SCUBE2: variants seen among roughly 807,000 people sequenced by gnomAD.
SCUBE2 encodes the protein signal peptide, CUB domain and EGF like domain containing 2, also known as signal peptide, CUB and EGF-like domain-containing protein 2.
SCUBE2 carries 114 observed loss-of-function variants against 125.9 expected under a neutral mutation model. That is an observed-to-expected ratio of 0.91 (90% CI 0.78 to 1.06). The LOEUF (loss-of-function observed/expected upper bound fraction) is 1.06. Among genes scored for constraint, SCUBE2 ranks in the 50% least tolerant of loss-of-function variants. The pLI is 0.00. For synonymous variants in SCUBE2, 459 were observed against 492.9 expected (o/e 0.93, Z 0.91); for missense variants, 1,255 against 1,301.8 (o/e 0.96, Z 0.55).
At chr11:9,042,533 G>A (rs771882782) in intron 16 of SCUBE2, among the ~76,000 whole-genome samples, 5 of 152,046 alleles carry the variant, frequency 3.3e-5, no homozygotes, top group Admixed American at 2.0e-4. Context: ...TCAATATTCA[G>A]GCTTTAGCCT....
chr11:9,030,176 G>A (rs1434612002), intron 18 of SCUBE2, 131 bp from the exon 19 acceptor site: 7 of 1,016,682 alleles, frequency 6.9e-6, no homozygotes, highest in African/African-American at 1.6e-5. Context: ...CTACCAATCT[G>A]GGGCTAATCA....
intron 21 of SCUBE2, 37 bp from the exon 22 acceptor site, chr11:9,021,992 T>C (rs760519067): frequency 3.2e-5 from 47 of 1,482,486 alleles, no homozygotes; most frequent in Non-Finnish European, 3.9e-5. Context: ...ATTCTTATGA[T>C]TTAGTTGCTT....
intron 3 of SCUBE2, among the ~76,000 whole-genome samples, chr11:9,077,023 G>A (rs949222234): frequency 6.6e-6 from 1 of 152,080 alleles, no homozygotes; most frequent in African/African-American, 2.4e-5. Flanking sequence ...CCCACCCCAC[G>A]TTTAACCCCC....
At position 9,050,654 on chromosome 11, in the gene SCUBE2, A is replaced by C. The variant is rs757014093; in HGVS notation, c.1591T>G (p.Leu531Val). ...TFKLNEGKCS[L>V]KNAELFPEGL... Reference sequence around the variant, plus strand: ...TCGGGAAACAGCTCAGCATTTTTCAAACTACACTTGCCTTCATTTAGCTTA... The same window carrying C: ...TCGGGAAACAGCTCAGCATTTTTCACACTACACTTGCCTTCATTTAGCTTA... The change falls in exon 14 of 23, where the codon TTG becomes GTG. Residue 531 changes from leucine to valine, a missense_variant. By Grantham distance (32) the Leu-to-Val change is conservative. Transcript: ENST00000649792. The C allele has an allele frequency of 2.5e-6, 4 of 1,614,238 alleles. No individual in the cohort carries two copies. In the East Asian group the frequency reaches 8.9e-5, roughly 36 times the overall value.
At chr11:9,036,277 A>T (rs777449145) in intron 16 of SCUBE2, among the ~76,000 whole-genome samples, 17 of 152,228 alleles carry the variant, frequency 1.1e-4, no homozygotes, top group Non-Finnish European at 2.2e-4. Flanking sequence ...TGGCAAATAG[A>T]GTATAATTCC....
chr11:9,060,407 C>T lies in SCUBE2; in HGVS notation c.967+1G>A. ...AGTCTCCCTGGGGAGGTGAAGGCTACCTTTACATGTCTTCCCATCCAACTG... is the reference window on the plus strand; with the variant it reads ...AGTCTCCCTGGGGAGGTGAAGGCTATCTTTACATGTCTTCCCATCCAACTG... On this transcript the variant is annotated splice_donor_variant, in intron 8 of 22. Coordinates refer to ENST00000649792, the MANE Select transcript of SCUBE2 (RefSeq NM_001367977.2). LOFTEE classifies it high-confidence loss of function. The T allele has an allele frequency of 6.2e-7, 1 of 1,611,988 alleles. No homozygotes were observed. Among genetic ancestry groups the T allele is most frequent in the South Asian group, 1.1e-5 (1 of 91,016 alleles).
chr11:9,034,462 A>G (rs967390518), intron 16 of SCUBE2, among the ~76,000 whole-genome samples: 1 of 152,206 alleles, frequency 6.6e-6, no homozygotes, highest in Non-Finnish European at 1.5e-5. Context: ...GTGCGTCTGT[A>G]GTCCTAGCTA....
At chr11:9,045,610 G>GACACAC (rs72142315) in intron 16 of SCUBE2, among the ~76,000 whole-genome samples, 149 of 99,216 alleles carry the variant, frequency 1.5e-3, no homozygotes, top group Middle Eastern at 0.014. Context: ...CAGACAGACA[G>GACACAC]ACACACACAC....
At chr11:9,087,780 G>A (rs1278563987) in intron 2 of SCUBE2, among the ~76,000 whole-genome samples, 1 of 152,176 alleles carries the variant, frequency 6.6e-6, no homozygotes, top group South Asian at 2.1e-4. Flanking sequence ...TTGTAACAAA[G>A]TTCATTGTAA....
chr11:9,042,725 G>A (rs776321145), intron 16 of SCUBE2, among the ~76,000 whole-genome samples: 5 of 152,154 alleles, frequency 3.3e-5, no homozygotes, highest in Non-Finnish European at 7.4e-5. Flanking sequence ...GGTGAGATGA[G>A]GGATGTATGG....
intron 6 of SCUBE2, 59 bp from the exon 7 acceptor site, chr11:9,066,039 CA>C: frequency 1.7e-6 from 2 of 1,165,708 alleles, no homozygotes; most frequent in Non-Finnish European, 2.6e-6. Context: ...TGCTCATCCC[CA>C]TACAACTGTG....
intron 16 of SCUBE2, among the ~76,000 whole-genome samples, chr11:9,043,955 G>A (rs1257287873): frequency 6.6e-6 from 1 of 152,206 alleles, no homozygotes; most frequent in Non-Finnish European, 1.5e-5. Flanking sequence ...ATCTATTAAA[G>A]TTTTAAATAT....
At chr11:9,047,603 G>A (rs774849918) in intron 15 of SCUBE2, 41 bp from the exon 16 acceptor site, 4 of 1,587,412 alleles carry the variant, frequency 2.5e-6, no homozygotes, top group Non-Finnish European at 3.4e-6. Flanking sequence ...AGGAGATCAG[G>A]CTGCAGCGTG....
Position 9,025,696 on chromosome 11 carries a change from G to C in SCUBE2, c.2854+6C>G. The C allele has an allele frequency of 6.2e-7, 1 of 1,613,954 alleles. No homozygotes were observed. Among genetic ancestry groups the C allele is most frequent in the Non-Finnish European group, 8.5e-7 (1 of 1,179,930 alleles). On this transcript the variant is annotated splice_donor_region_variant and intron_variant, in intron 21 of 22. Transcript: ENST00000649792. ...GCTCTTTCCATGTGCTGCAGGCTGT[G>C]CTTACCATCATATGTCACGTATGGG...
intron 4 of SCUBE2, 44 bp downstream of exon 4, chr11:9,074,437 T>C: frequency 6.2e-7 from 1 of 1,608,610 alleles, no homozygotes; most frequent in Middle Eastern, 1.7e-4. Flanking sequence ...AGGGAGAGGG[T>C]CTCAGATGTG....
At chr11:9,023,251 T>C (rs547021264) in intron 21 of SCUBE2, among the ~76,000 whole-genome samples, 4 of 152,332 alleles carry the variant, frequency 2.6e-5, no homozygotes, top group Admixed American at 6.5e-5. Context: ...TGAGAGGAAC[T>C]CTTGAAAAGT....
In SCUBE2 at chr11:9,033,862, T is replaced by TAGAG. The variant is rs1434109696; in HGVS notation, c.2003-70_2003-67dup. On this transcript the variant is annotated intron_variant, in intron 16 of 22. Coordinates refer to ENST00000649792, the MANE Select transcript of SCUBE2 (RefSeq NM_001367977.2). ...GGCCAAGGAAGGATGATGTGAGTTC[T>TAGAG]AGAGATGAAGGCAAATAGATGGCAC... 1.7e-5 allele frequency: 27 copies of TAGAG among 1,549,116 alleles called. No homozygotes were observed. In the East Asian group the frequency reaches 5.9e-4, roughly 34 times the overall value.
At position 9,091,157 on chromosome 11, in the gene SCUBE2, G is replaced by C. The variant is rs1862667286; in HGVS notation, c.133+239C>G. Among the ~76,000 whole-genome samples, 1 of 152,172 alleles carries C rather than the reference G, an allele frequency of 6.6e-6. No homozygotes were observed. Among genetic ancestry groups the C allele is most frequent in the African/African-American group, 2.4e-5 (1 of 41,450 alleles). On this transcript the variant is annotated intron_variant, in intron 1 of 22. Coordinates refer to ENST00000649792, the MANE Select transcript of SCUBE2 (RefSeq NM_001367977.2). This position sits in a 1 kb window ranked among gnomAD's most constrained non-coding sequence, Gnocchi z 8.5. Reference sequence around the variant, plus strand: ...CAGGCGCTCTGGAGGCATCCGGACCGGGGCGGGAACCGTCAGCAGCTCCGG... The same window carrying C: ...CAGGCGCTCTGGAGGCATCCGGACCCGGGCGGGAACCGTCAGCAGCTCCGG...
intron 19 of SCUBE2, among the ~76,000 whole-genome samples, chr11:9,028,078 G>A (rs984015839): frequency 2.6e-5 from 4 of 152,070 alleles, no homozygotes; most frequent in African/African-American, 9.7e-5. Flanking sequence ...TTGAGATGAG[G>A]TCTCTCTCTG....
Sources: gnomAD v4.1 joint callset for allele counts (sites outside exome capture counted in the v4.1 genomes callset) on GRCh38, gnomAD v4.1.1 for gene constraint, Gnocchi (gnomAD v3.1) non-coding constraint, MANE v1.5 for transcripts, NCBI Gene and HGNC (gene_info 2026-07-23, HGNC 2026-07-21) for gene names.